Variants in PLXNA2 observed in about 807,000 individuals in gnomAD.
The protein encoded by PLXNA2 is plexin A2, also known as plexin-A2.
In PLXNA2, 91 loss-of-function variants were observed where a neutral mutation model predicts 193.5. The ratio of observed to expected loss-of-function variants is 0.47; its 90% confidence interval spans 0.40 to 0.56. PLXNA2 has a LOEUF of 0.56. PLXNA2 is among the 20% of genes least tolerant of loss of function. The pLI, the probability that PLXNA2 is intolerant of heterozygous loss-of-function variation, is 0.00. For missense variants in PLXNA2, 1,995 were observed against 2,503.2 expected (o/e 0.80, Z 4.33); for synonymous variants, 997 against 1,027.3 (o/e 0.97, Z 0.56).
chr1:208,214,957 TC>T (rs1355638583), intron 2 of PLXNA2, among the ~76,000 whole-genome samples: 3 of 151,540 alleles, frequency 2.0e-5, no homozygotes, highest in Non-Finnish European at 2.9e-5. Context: ...CTCTCTCTCT[TC>T]CTCTCTCTCT....
chr1:208,125,756 G>T (rs1667957082), intron 4 of PLXNA2, among the ~76,000 whole-genome samples: 1 of 152,186 alleles, frequency 6.6e-6, no homozygotes, highest in Non-Finnish European at 1.5e-5. Context: ...ACCTGATTGA[G>T]TTCTGGCTGC....
intron 2 of PLXNA2, among the ~76,000 whole-genome samples, chr1:208,212,757 A>T (rs1241741026): frequency 6.6e-6 from 1 of 152,126 alleles, no homozygotes; most frequent in Non-Finnish European, 1.5e-5. Flanking sequence ...GGCAGGTCAG[A>T]GTTATCAGCT....
intron 3 of PLXNA2, among the ~76,000 whole-genome samples, chr1:208,197,650 T>C (rs1261767808): frequency 6.6e-6 from 1 of 152,184 alleles, no homozygotes; most frequent in Non-Finnish European, 1.5e-5. Context: ...CTCTTTCAAA[T>C]AAGCTTAGGG....
At chr1:208,070,236 AGGACTTAAGACATG>A (rs1352830024) in intron 12 of PLXNA2, among the ~76,000 whole-genome samples, 1 of 152,084 alleles carries the variant, frequency 6.6e-6, no homozygotes, top group African/African-American at 2.4e-5. Context: ...GTGCATAGCC[AGGACTTAAGACATG>A]GCTAAGGCCA....
rs1012245141 is a variant in PLXNA2, at chr1:208,097,400, C to T, written c.1732-517G>A. ...ATCAAGAGGCTGCTTCTAAAGGCTG[C>T]GTGTTCCCTAGAGTTTGTGCTTCTC... is the stretch of plus-strand genomic sequence containing the variant. On this transcript the variant is annotated intron_variant, in intron 6 of 31. Coordinates refer to ENST00000367033, the MANE Select transcript of PLXNA2 (RefSeq NM_025179.4). Among the ~76,000 whole-genome samples the T allele has an allele frequency of 9.9e-5, 15 of 152,166 alleles. No individual in the cohort carries two copies. In the East Asian group the frequency reaches 1.2e-3, roughly 12 times the overall value.
At chr1:208,182,108 AAGG>A (rs1223964832) in intron 3 of PLXNA2, among the ~76,000 whole-genome samples, 3 of 152,182 alleles carry the variant, frequency 2.0e-5, no homozygotes, top group Non-Finnish European at 4.4e-5. Context: ...AAACCAGTAG[AAGG>A]AGATGAGCAA....
intron 3 of PLXNA2, among the ~76,000 whole-genome samples, chr1:208,143,643 T>C (rs1571963475): frequency 6.6e-6 from 1 of 152,154 alleles, no homozygotes; most frequent in Non-Finnish European, 1.5e-5. Context: ...CACTGTCCTC[T>C]GCCCATCTCT....
At chr1:208,108,049 GC>G (rs1465905378) in intron 4 of PLXNA2, among the ~76,000 whole-genome samples, 4 of 152,226 alleles carry the variant, frequency 2.6e-5, no homozygotes, top group Admixed American at 2.6e-4. Context: ...TGGCCCCGGG[GC>G]CCCGCGTCTC....
chr1:208,095,432 C>T (rs1448685951), intron 8 of PLXNA2, among the ~76,000 whole-genome samples: 2 of 152,178 alleles, frequency 1.3e-5, no homozygotes, highest in African/African-American at 4.8e-5. Flanking sequence ...AAGTCAAGCC[C>T]CACTGAAGGC....
intron 3 of PLXNA2, among the ~76,000 whole-genome samples, chr1:208,164,037 A>C (rs988113082): frequency 2.6e-5 from 4 of 152,210 alleles, no homozygotes; most frequent in African/African-American, 9.7e-5. Flanking sequence ...CACTCTGCCC[A>C]CACTTGTGGG....
intron 3 of PLXNA2, among the ~76,000 whole-genome samples, chr1:208,147,423 G>A (rs1377551220): frequency 9.2e-6 from 1 of 108,612 alleles, no homozygotes; most frequent in Admixed American, 1.1e-4. Context: ...TTCTCAGGAG[G>A]GTTTTAAACC....
chr1:208,142,354 T>C lies in PLXNA2; in HGVS notation c.1481A>G (p.Tyr494Cys), dbSNP rs146345221. 25 of 1,612,546 alleles carry C rather than the reference T, an allele frequency of 1.6e-5. No individual in the cohort carries two copies. The highest frequency in any genetic ancestry group is 2.0e-5 in the Non-Finnish European group (24 of 1,179,390). Reference protein sequence around the residue: ...RDMAFSIDQRYLYVMSERQVT... With the variant: ...RDMAFSIDQRCLYVMSERQVT... ...CTGTCTCTCAGACATGACGTACAGG[T>C]AGCGCTGATCAATGGAGAAGGCCAT... is the stretch of plus-strand genomic sequence containing the variant. Residue 494 changes from tyrosine to cysteine, a missense_variant, in exon 4 of 32, where the codon TAC becomes TGC. Physicochemically the swap from Tyr to Cys is radical, Grantham distance 194. Around this residue, in one of 3 missense-constraint regions of PLXNA2, gnomAD observed 702 missense variants for 812.9 expected, o/e 0.86. Transcript: ENST00000367033.
Position 208,052,447 on chromosome 1 carries a change from G to A in PLXNA2, c.2873C>T (p.Ser958Leu). 1 of 1,614,148 alleles carries A rather than the reference G, an allele frequency of 6.2e-7. No individual in the cohort carries two copies. Among genetic ancestry groups the A allele is most frequent in the Non-Finnish European group, 8.5e-7 (1 of 1,179,998 alleles). ...CTCGGGACCTCGGATTGGGTTGAGT[G>A]ACAGCACAGAAGGGTTCTTTGGAAA... ...QYTFVNPSVLSLNPIRGPESG... is the reference protein window; with the variant it reads ...QYTFVNPSVLLLNPIRGPESG... Residue 958 changes from serine to leucine, a missense_variant, in exon 15 of 32, where the codon TCA (serine) becomes TTA (leucine). By Grantham distance (145) the Ser-to-Leu change is moderately radical. This residue lies in a region of PLXNA2 where 1,291 missense variants were observed against 1,673.6 expected (regional missense o/e 0.77). Transcript: ENST00000367033.
At chr1:208,180,363 C>G (rs1198729760) in intron 3 of PLXNA2, among the ~76,000 whole-genome samples, 2 of 152,094 alleles carry the variant, frequency 1.3e-5, no homozygotes, top group Non-Finnish European at 2.9e-5. Flanking sequence ...GTGGGCACCT[C>G]TGCCGGGATG....
In PLXNA2 at chr1:208,079,214, C is replaced by G. The variant is rs751925730; in HGVS notation, c.2586+46G>C. ...CACTCCTCTCCCACTGTCTTGGGGT[C>G]AGCTCTTGGCCACCCCTTCCTGCTC... On this transcript the variant is annotated intron_variant, in intron 12 of 31. Transcript: ENST00000367033. The G allele has an allele frequency of 2.6e-6, 4 of 1,518,704 alleles. No individual in the cohort carries two copies. The Admixed American group carries it at 5.1e-5, about 20-fold the overall frequency. 94.1% of individuals were successfully genotyped at this position (1,518,704 alleles called of 1,614,324 possible).
At chr1:208,059,650 T>C (rs528192705) in intron 13 of PLXNA2, among the ~76,000 whole-genome samples, 3 of 152,376 alleles carry the variant, frequency 2.0e-5, no homozygotes, top group Admixed American at 6.5e-5. Flanking sequence ...CAGCCACTTA[T>C]GCCCTGAATG....
chr1:208,037,568 G>A (rs1194360249), intron 26 of PLXNA2, among the ~76,000 whole-genome samples: 1 of 152,062 alleles, frequency 6.6e-6, no homozygotes, highest in African/African-American at 2.4e-5. Flanking sequence ...ATTTCCCTTG[G>A]TGTCTCTTAT....
At chr1:208,107,161 G>T (rs1667295725) in intron 4 of PLXNA2, among the ~76,000 whole-genome samples, 1 of 152,228 alleles carries the variant, frequency 6.6e-6, no homozygotes, top group African/African-American at 2.4e-5. Context: ...AGCACCATTG[G>T]TGTCACGTGT....
At chr1:208,187,471 G>A (rs115397430) in intron 3 of PLXNA2, among the ~76,000 whole-genome samples, 26 of 152,290 alleles carry the variant, frequency 1.7e-4, no homozygotes, top group African/African-American at 6.0e-4. Flanking sequence ...AACAACAAAT[G>A]CGCTCCAAAG....
Sources: gnomAD v4.1 joint callset for allele counts (sites outside exome capture counted in the v4.1 genomes callset) on GRCh38, gnomAD v4.1.1 for gene constraint, gnomAD v4.1.1 regional missense constraint, MANE v1.5 for transcripts, NCBI Gene and HGNC (gene_info 2026-07-23, HGNC 2026-07-21) for gene names.